The following PIGB variants were observed in gnomAD, a reference collection of about 807,000 sequenced individuals.
PIGB encodes GPI alpha-1,2-mannosyltransferase 3.
Under a neutral mutation model 68.4 loss-of-function variants are expected in PIGB, and 58 were observed. The ratio of observed to expected loss-of-function variants is 0.85; its 90% CI spans 0.69 to 1.06. The LOEUF (loss-of-function observed/expected upper bound fraction) is 1.06, where lower values mean the gene tolerates loss of function less well. Among genes scored for constraint, PIGB ranks in the 50% least tolerant of loss-of-function variants. PIGB has a pLI of 0.00. For missense variants in PIGB, 634 were observed against 655.8 expected (o/e 0.97, Z 0.36); for synonymous variants, 219 against 220.5 (o/e 0.99, Z 0.06).
chr15:55,344,890 C>CTTTTTTTTTTTTTTT (rs1164109873), intron 9 of PIGB, among the ~76,000 whole-genome samples: 1 of 98,902 alleles, frequency 1.0e-5, no homozygotes, highest in African/African-American at 4.2e-5. Flanking sequence ...ATATTCTTAT[C>CTTTTTTTTTTTTTTT]TTTTTTTTTT....
intron 3 of PIGB, among the ~76,000 whole-genome samples, chr15:55,324,561 C>G (rs1379566021): frequency 6.6e-6 from 1 of 152,176 alleles, no homozygotes; most frequent in African/African-American, 2.4e-5. Context: ...TAGATAGTAT[C>G]CTCTAGACAC....
intron 4 of PIGB, among the ~76,000 whole-genome samples, chr15:55,328,413 C>T (rs1195547738): frequency 6.6e-6 from 1 of 152,066 alleles, no homozygotes; most frequent in African/African-American, 2.4e-5. Context: ...TTGGAAAATA[C>T]ATTCTAAATT....
intron 6 of PIGB, among the ~76,000 whole-genome samples, chr15:55,336,966 G>A (rs2055551408): frequency 6.6e-6 from 1 of 152,134 alleles, no homozygotes; most frequent in Non-Finnish European, 1.5e-5. Flanking sequence ...CTCCAGCCTG[G>A]GCAACAGAGT....
intron 3 of PIGB, chr15:55,324,845 G>A: frequency 7.1e-6 from 7 of 979,240 alleles, no homozygotes; most frequent in Non-Finnish European, 8.5e-6. Context: ...GTATGTACAT[G>A]AGTGCCTTTT....
intron 6 of PIGB, among the ~76,000 whole-genome samples, chr15:55,336,102 A>C (rs538712616): frequency 1.5e-4 from 23 of 152,302 alleles, no homozygotes; most frequent in African/African-American, 5.1e-4. Flanking sequence ...AACTCATTGC[A>C]GGTTGAAAAT....
intron 6 of PIGB, among the ~76,000 whole-genome samples, chr15:55,334,792 T>A (rs2055497484): frequency 6.6e-6 from 1 of 152,232 alleles, no homozygotes; most frequent in South Asian, 2.1e-4. Context: ...CATTCTCACT[T>A]CACTGCAGCC....
At chr15:55,348,405 G>A (rs879891152) in intron 9 of PIGB, 2 of 152,318 alleles carry the variant, frequency 1.3e-5, no homozygotes, top group African/African-American at 4.8e-5. Context: ...GCTTGCTGTA[G>A]TTTGGACGTT....
rs374683561 is a variant in PIGB at position 55,351,110 on chromosome 15, C to CTTT, written c.1337+212_1337+214dup. Among the ~76,000 whole-genome samples the CTTT allele has an allele frequency of 3.7e-5, 5 of 135,724 alleles. 1 individual carries two copies. Among genetic ancestry groups the CTTT allele is most frequent in the South Asian group, 2.3e-4 (1 of 4,312 alleles). The allele number at this position is 135,724 out of a possible 152,430, so 89.0% of individuals were successfully genotyped here. On this transcript the variant is annotated intron_variant, in intron 10 of 11. Coordinates refer to ENST00000164305, the MANE Select transcript of PIGB (RefSeq NM_004855.5). ...AAAATGTTTTAAATAAACTTTTTTTCTTTTTTTTTTTTTTTTGAGACGGAG... is the reference window on the plus strand; with the variant it reads ...AAAATGTTTTAAATAAACTTTTTTTCTTTTTTTTTTTTTTTTTTTGAGACGGAG...
At chr15:55,354,776 A>G in intron 10 of PIGB, 22 bp from the exon 11 acceptor site, 1 of 1,565,502 alleles carries the variant, frequency 6.4e-7, no homozygotes, top group African/African-American at 1.4e-5. Flanking sequence ...TGTATTTATT[A>G]TGGTAACTTT....
intron 3 of PIGB, among the ~76,000 whole-genome samples, chr15:55,325,094 A>AG (rs1199200567): frequency 6.6e-6 from 1 of 152,118 alleles, no homozygotes; most frequent in Non-Finnish European, 1.5e-5. Flanking sequence ...TGGGAGGGTG[A>AG]GGGGGGTGGA....
chr15:55,320,463 T>C, intron 2 of PIGB, 53 bp downstream of exon 2: 4 of 1,556,032 alleles, frequency 2.6e-6, no homozygotes, highest in Non-Finnish European at 2.6e-6. Flanking sequence ...ATCTTGGAAA[T>C]TGTGCTCAGT....
rs191205183 is a variant in PIGB, at chr15:55,323,598, T to G, written c.417+2208T>G. Among the ~76,000 whole-genome samples, 200 of 151,672 alleles carry G rather than the reference T, an allele frequency of 1.3e-3. 2 individuals carry two copies. The highest frequency in any genetic ancestry group is 4.6e-3 in the African/African-American group (192 of 41,496). ...CTGAAAATGTAAAATACATACTGAA[T>G]GTCAAAGGCCTAGTACAAAAAAAGA... On this transcript the variant is annotated intron_variant, in intron 3 of 11. Transcript: ENST00000164305.
chr15:55,322,535 C>T (rs1350368844), intron 3 of PIGB, among the ~76,000 whole-genome samples: 1 of 152,118 alleles, frequency 6.6e-6, no homozygotes, highest in African/African-American at 2.4e-5. Context: ...AGAGTTTGTG[C>T]TCCCCCCGAT....
At chr15:55,337,644 A>C (rs1473152157) in intron 6 of PIGB, among the ~76,000 whole-genome samples, 2 of 152,206 alleles carry the variant, frequency 1.3e-5, no homozygotes, top group African/African-American at 4.8e-5. Flanking sequence ...AAGGTTAGGG[A>C]CCGCTACCTT....
At chr15:55,336,051 A>G in intron 6 of PIGB, among the ~76,000 whole-genome samples, 1 of 152,290 alleles carries the variant, frequency 6.6e-6, no homozygotes, top group East Asian at 1.9e-4. Context: ...AAAAAGATAT[A>G]ACAATACAGA....
intron 7 of PIGB, among the ~76,000 whole-genome samples, chr15:55,339,858 A>C (rs758551970): frequency 2.0e-5 from 3 of 152,146 alleles, no homozygotes; most frequent in Non-Finnish European, 2.9e-5. Flanking sequence ...CTGGTGACTC[A>C]GGGTGGGGAA....
chr15:55,320,171 T>C, intron 1 of PIGB, 104 bp from the exon 2 acceptor site: 2 of 1,040,358 alleles, frequency 1.9e-6, no homozygotes, highest in South Asian at 3.1e-5. Context: ...CAGAGGTCAC[T>C]ACTGTGCCTT....
At position 55,324,937 on chromosome 15, in the gene PIGB, T is replaced by C. The variant is rs143469454; in HGVS notation, c.418-2594T>C. 366 of 377,154 alleles carry C rather than the reference T, an allele frequency of 9.7e-4. 1 individual carries two copies. Among genetic ancestry groups the C allele is most frequent in the African/African-American group, 7.5e-3 (341 of 45,736 alleles). 23.4% of individuals were successfully genotyped at this position (377,154 alleles called of 1,614,324 possible). On this transcript the variant is annotated intron_variant, in intron 3 of 11. Transcript: ENST00000164305. ...TCCAATTTTAGCATTTATTTACACA[T>C]TGTGGACAAAAAGAAAATAAAGTGC...
chr15:55,354,624 T>C (rs1448523182), intron 10 of PIGB, 174 bp from the exon 11 acceptor site: 8 of 586,346 alleles, frequency 1.4e-5, no homozygotes, highest in Non-Finnish European at 2.9e-6. Context: ...GGTATAAGAA[T>C]CATGTTTTTT....
Sources: gnomAD v4.1 joint callset for allele counts (sites outside exome capture counted in the v4.1 genomes callset) on GRCh38, gnomAD v4.1.1 for gene constraint, MANE v1.5 for transcripts, NCBI Gene and HGNC (gene_info 2026-07-23, HGNC 2026-07-21) for gene names.